The following RPSA2 variants were observed in gnomAD, a reference collection of about 807,000 sequenced individuals.
RPSA2 encodes the protein small ribosomal subunit protein uS2B.
the RPSA2 span, among the ~76,000 whole-genome samples, chr19:23,761,873 TCTAAGATGAACAAATTTGGGTA>T: frequency 2.7e-4 from 32 of 116,776 alleles, no homozygotes; most frequent in African/African-American, 9.5e-4. Flanking sequence ...GAGGAGCCTT[TCTAAGATGAACAAATTTGGGTA>T]ACGTAATTCT....
At chr19:23,759,267 AC>A in the RPSA2 span, among the ~76,000 whole-genome samples, 5 of 151,900 alleles carry the variant, frequency 3.3e-5, no homozygotes, top group Admixed American at 3.3e-4. Flanking sequence ...CATAGTCCCT[AC>A]CCCGACAGCC....
At chr19:23,767,221 C>T in the RPSA2 span, among the ~76,000 whole-genome samples, 6 of 152,166 alleles carry the variant, frequency 3.9e-5, no homozygotes, top group East Asian at 7.8e-4. Flanking sequence ...GGGTTACAGG[C>T]GTGAACCACG....
At chr19:23,769,433 T>C in the RPSA2 span, among the ~76,000 whole-genome samples, 1 of 152,116 alleles carries the variant, frequency 6.6e-6, no homozygotes. Context: ...AACCTCCACC[T>C]CCTGGGTTCA....
chr19:23,761,559 A>C, the RPSA2 span, among the ~76,000 whole-genome samples: 1 of 152,246 alleles, frequency 6.6e-6, no homozygotes, highest in Admixed American at 6.5e-5. Flanking sequence ...CCTGTAAACT[A>C]TCACTGTTAA....
chr19:23,777,739 T>C, the RPSA2 span, among the ~76,000 whole-genome samples: 1 of 152,162 alleles, frequency 6.6e-6, no homozygotes, highest in Non-Finnish European at 1.5e-5. Flanking sequence ...CACAAGAACA[T>C]TGTGACATAT....
the RPSA2 span, chr19:23,819,434 C>T: frequency 2.0e-5 from 3 of 152,316 alleles, no homozygotes; most frequent in South Asian, 6.2e-4. Context: ...ATCCAAGGCA[C>T]GATTCCTGCA....
the RPSA2 span, among the ~76,000 whole-genome samples, chr19:23,774,356 C>T: frequency 6.6e-6 from 1 of 152,124 alleles, no homozygotes; most frequent in Admixed American, 6.6e-5. Flanking sequence ...CTCTCTTCTC[C>T]TGCCTGTTCC....
At chr19:23,778,469 C>A in the RPSA2 span, among the ~76,000 whole-genome samples, 1 of 152,100 alleles carries the variant, frequency 6.6e-6, no homozygotes, top group Non-Finnish European at 1.5e-5. Context: ...CCACTTCGGC[C>A]CCCCAGAGTA....
At chr19:23,796,049 G>A in the RPSA2 span, among the ~76,000 whole-genome samples, 1 of 152,208 alleles carries the variant, frequency 6.6e-6, no homozygotes, top group African/African-American at 2.4e-5. Flanking sequence ...ACAGGCATGA[G>A]CCACTGCACC....
chr19:23,835,615 GTT>G, the RPSA2 span, among the ~76,000 whole-genome samples: 29 of 151,230 alleles, frequency 1.9e-4, no homozygotes, highest in South Asian at 6.1e-3. Context: ...TTGTTTAATA[GTT>G]TTTTTTTTTG....
the RPSA2 span, among the ~76,000 whole-genome samples, chr19:23,802,533 G>C: frequency 6.6e-6 from 1 of 152,226 alleles, no homozygotes; most frequent in Non-Finnish European, 1.5e-5. Context: ...AGGCTGACAA[G>C]AGTGGTTAAT....
chr19:23,847,589 C>A, the RPSA2 span, among the ~76,000 whole-genome samples: 1 of 152,136 alleles, frequency 6.6e-6, no homozygotes, highest in Non-Finnish European at 1.5e-5. Flanking sequence ...ATCAGAAACT[C>A]CTGATAAGAG....
chr19:23,855,785 C>T, the RPSA2 span, among the ~76,000 whole-genome samples: 1 of 151,976 alleles, frequency 6.6e-6, no homozygotes, highest in Admixed American at 6.6e-5. Flanking sequence ...GGATGAGGGA[C>T]CAAAATGACA....
the RPSA2 span, chr19:23,758,721 C>G: frequency 6.2e-7 from 1 of 1,614,196 alleles, no homozygotes; most frequent in East Asian, 2.2e-5. Flanking sequence ...TCCCCTCTCT[C>G]GGGATGTCGG....
chr19:23,864,269 C>T, the RPSA2 span, among the ~76,000 whole-genome samples: 2 of 152,196 alleles, frequency 1.3e-5, no homozygotes, highest in Non-Finnish European at 2.9e-5. Flanking sequence ...CTGAAGTAAA[C>T]TCAAATTACT....
the RPSA2 span, chr19:23,819,580 G>A: frequency 5.3e-5 from 8 of 152,148 alleles, no homozygotes; most frequent in Non-Finnish European, 7.3e-5. Context: ...TGAGGCTTAT[G>A]GGCATTCTTT....
At chr19:23,777,119 C>A in the RPSA2 span, among the ~76,000 whole-genome samples, 2 of 152,048 alleles carry the variant, frequency 1.3e-5, no homozygotes, top group African/African-American at 4.8e-5. Context: ...CTCCTCTTAT[C>A]CTTCAGTTAT....
chr19:23,779,610 G>A, the RPSA2 span, among the ~76,000 whole-genome samples: 3 of 152,190 alleles, frequency 2.0e-5, no homozygotes, highest in Non-Finnish European at 4.4e-5. Context: ...ACTGAAACCA[G>A]AACTTAGGTG....
the RPSA2 span, among the ~76,000 whole-genome samples, chr19:23,836,809 G>A: frequency 2.0e-5 from 3 of 151,878 alleles, no homozygotes; most frequent in Admixed American, 6.6e-5. Context: ...GGCCATTTGT[G>A]TATCTTTTGA....
Sources: gnomAD v4.1 joint callset for allele counts (sites outside exome capture counted in the v4.1 genomes callset) on GRCh38, gnomAD v4.1.1 for gene constraint, MANE v1.5 for transcripts, NCBI Gene and HGNC (gene_info 2026-07-23, HGNC 2026-07-21) for gene names.